Variants in KDM4C observed in about 807,000 individuals in gnomAD.
KDM4C encodes the protein lysine-specific demethylase 4C.
Under a neutral mutation model 129.3 loss-of-function variants are expected in KDM4C, and 81 were observed. The ratio of observed to expected loss-of-function variants is 0.63; its 90% CI spans 0.52 to 0.75. The LOEUF (loss-of-function observed/expected upper bound fraction) is 0.75, where lower values mean the gene tolerates loss of function less well. KDM4C is among the 30% of genes least tolerant of loss of function. The probability of loss-of-function intolerance (pLI) is 0.00; values close to 1 mark genes in which losing one functional copy is unlikely to be tolerated. For missense variants in KDM4C, 1,457 were observed against 1,304.0 expected (o/e 1.12, Z -1.81); for synonymous variants, 573 against 456.1 (o/e 1.26, Z -3.26).
intron 17 of KDM4C, among the ~76,000 whole-genome samples, chr9:7,057,265 A>G (rs1830990138): frequency 6.6e-6 from 1 of 152,262 alleles, no homozygotes. Flanking sequence ...TCCCACAATT[A>G]AGTGAAGTCT....
chr9:7,036,821 T>A (rs1827733697), intron 15 of KDM4C, among the ~76,000 whole-genome samples: 1 of 152,194 alleles, frequency 6.6e-6, no homozygotes, highest in South Asian at 2.1e-4. Context: ...ATTCACTGTG[T>A]TGCTCAGGGT....
intron 19 of KDM4C, among the ~76,000 whole-genome samples, chr9:7,143,089 C>G (rs1474513711): frequency 1.3e-5 from 2 of 152,182 alleles, no homozygotes; most frequent in Non-Finnish European, 2.9e-5. Flanking sequence ...TCCCAGCTTA[C>G]TCTATAAAAG....
intron 2 of KDM4C, among the ~76,000 whole-genome samples, chr9:6,804,982 C>T (rs745628058): frequency 2.0e-5 from 3 of 151,888 alleles, no homozygotes; most frequent in Non-Finnish European, 4.4e-5. Context: ...CTCACTGCAA[C>T]CCCTGCCTCT....
intron 4 of KDM4C, among the ~76,000 whole-genome samples, chr9:6,837,770 A>G (rs1238392872): frequency 6.6e-6 from 1 of 152,128 alleles, no homozygotes; most frequent in Non-Finnish European, 1.5e-5. Context: ...AGTTGTGGCT[A>G]TTCTTTTCAC....
chr9:6,789,650 G>A (rs1826161286), intron 1 of KDM4C, among the ~76,000 whole-genome samples: 2 of 152,142 alleles, frequency 1.3e-5, no homozygotes, highest in South Asian at 4.2e-4. Flanking sequence ...ACAGGTGTGA[G>A]CCACCGTGCC....
At chr9:6,789,208 C>T (rs906418675) in intron 1 of KDM4C, among the ~76,000 whole-genome samples, 1 of 141,948 alleles carries the variant, frequency 7.0e-6, no homozygotes, top group Non-Finnish European at 1.5e-5. Context: ...CTCACCATCA[C>T]GCCTGGCTAA....
At position 7,103,779 on chromosome 9, in the gene KDM4C, G is replaced by A; in HGVS notation, c.2519G>A (p.Cys840Tyr). The A allele has an allele frequency of 4.3e-6, 7 of 1,613,956 alleles. No homozygotes were observed. The highest frequency in any genetic ancestry group is 5.9e-6 in the Non-Finnish European group (7 of 1,179,908). Reference sequence around the variant, plus strand: ...TGCCCGGCCTCCTTCCATGTCACTTGTGCCCATGCTGCTGGGGTACTGATG... The same window carrying A: ...TGCCCGGCCTCCTTCCATGTCACTTATGCCCATGCTGCTGGGGTACTGATG... Reference protein sequence around the residue: ...GRCPASFHVTCAHAAGVLMEP... With the variant: ...GRCPASFHVTYAHAAGVLMEP... The change falls in exon 18 of 22, where the codon TGT (cysteine) becomes TAT (tyrosine). Residue 840 changes from cysteine (C) to tyrosine (Y), a missense_variant. Cys to Tyr is a radical substitution (Grantham distance 194). Coordinates refer to ENST00000381309, the MANE Select transcript of KDM4C (RefSeq NM_015061.6).
chr9:6,972,678 G>A (rs961584682), intron 8 of KDM4C, among the ~76,000 whole-genome samples: 3 of 152,144 alleles, frequency 2.0e-5, no homozygotes, highest in Non-Finnish European at 2.9e-5. Context: ...CTATTCATGA[G>A]TTTCATGTTA....
At chr9:6,893,990 G>T (rs1034152658) in intron 8 of KDM4C, among the ~76,000 whole-genome samples, 2 of 152,170 alleles carry the variant, frequency 1.3e-5, no homozygotes, top group African/African-American at 4.8e-5. Flanking sequence ...AAATAAAACT[G>T]TGTGTTTTAC....
At chr9:6,761,717 T>G (rs1438759633) in intron 1 of KDM4C, among the ~76,000 whole-genome samples, 3 of 152,220 alleles carry the variant, frequency 2.0e-5, no homozygotes, top group Non-Finnish European at 4.4e-5. Context: ...GATAGGTACA[T>G]TCTGTACTTT....
chr9:6,771,189 C>A (rs138545987), intron 1 of KDM4C, among the ~76,000 whole-genome samples: 109 of 150,246 alleles, frequency 7.3e-4, no homozygotes, highest in African/African-American at 1.6e-3. Flanking sequence ...TGGCCTCCCC[C>A]CAAAGTGCTA....
intron 17 of KDM4C, among the ~76,000 whole-genome samples, chr9:7,086,463 G>T (rs565541178): frequency 6.6e-6 from 1 of 152,296 alleles, no homozygotes; most frequent in African/African-American, 2.4e-5. Flanking sequence ...GAAAGGTGAG[G>T]CTTGTGAGAA....
intron 1 of KDM4C, among the ~76,000 whole-genome samples, chr9:6,729,025 G>A (rs1239299583): frequency 6.6e-6 from 1 of 151,524 alleles, no homozygotes; most frequent in Admixed American, 6.6e-5. Context: ...CCAAGATGGT[G>A]AAACCCCACC....
chr9:6,940,026 C>CTTCT lies in KDM4C; in HGVS notation c.922-40896_922-40895insTTTC. Among the ~76,000 whole-genome samples, 4 of 134,264 alleles carry CTTCT rather than the reference C, an allele frequency of 3.0e-5. 1 individual carries two copies. In the Middle Eastern group the frequency reaches 0.011, roughly 370 times the overall value. The allele number at this position is 134,264 out of a possible 152,430, so 88.1% of individuals were successfully genotyped here. A position where few individuals can be genotyped will look rare whatever the true frequency, so the allele number is the denominator to read the frequency against. ...CCTTCCTTCCTTCCTTCCTTCCTTC[C>CTTCT]TTCCTTCTTTCCTTCCTTCCCTCCT... On this transcript the variant is annotated intron_variant, in intron 8 of 21. Coordinates refer to ENST00000381309, the MANE Select transcript of KDM4C (RefSeq NM_015061.6).
At chr9:7,115,030 G>C (rs1185088589) in intron 18 of KDM4C, among the ~76,000 whole-genome samples, 1 of 152,086 alleles carries the variant, frequency 6.6e-6, no homozygotes, top group African/African-American at 2.4e-5. Context: ...AGTGAGCCAA[G>C]ATTGCGCCAC....
chr9:6,940,034 T>TTCCTTCCTTCCTTCC lies in KDM4C; in HGVS notation c.922-40890_922-40889insCCTTCCTTCCTTCCT, dbSNP rs1563850249. ...CCTTCCTTCCTTCCTTCCTTCCTTC[T>TTCCTTCCTTCCTTCC]TTCCTTCCTTCCCTCCTTCCCTCCT... On this transcript the variant is annotated intron_variant, in intron 8 of 21. Transcript: ENST00000381309. Among the ~76,000 whole-genome samples, 11 of 71,030 alleles carry TTCCTTCCTTCCTTCC rather than the reference T, an allele frequency of 1.5e-4. 1 individual carries two copies. The East Asian group carries it at 3.0e-3, about 19-fold the overall frequency. 46.6% of individuals were successfully genotyped at this position (71,030 alleles called of 152,430 possible). A position where few individuals can be genotyped will look rare whatever the true frequency, so the allele number is the denominator to read the frequency against.
chr9:6,721,302 GTC>G (rs375568931), intron 1 of KDM4C: 55 of 114,372 alleles, frequency 4.8e-4, no homozygotes, highest in East Asian at 1.5e-3. Flanking sequence ...TTGAGACAGA[GTC>G]TCTCTCTCTC....
chr9:7,048,474 C>T (rs960102267), intron 16 of KDM4C, among the ~76,000 whole-genome samples: 2 of 151,848 alleles, frequency 1.3e-5, no homozygotes, highest in African/African-American at 2.4e-5. Flanking sequence ...ATAGTATTAA[C>T]GGGAAAGTTG....
At chr9:6,995,248 C>G (rs995905213) in intron 12 of KDM4C, among the ~76,000 whole-genome samples, 1 of 151,468 alleles carries the variant, frequency 6.6e-6, no homozygotes, top group Non-Finnish European at 1.5e-5. Context: ...ACTTAAATTT[C>G]CTGATCTTTG....
Sources: allele counts gnomAD v4.1 joint callset (sites outside exome capture counted in the v4.1 genomes callset), GRCh38; gene constraint gnomAD v4.1.1; transcripts MANE v1.5; gene names NCBI Gene and HGNC (gene_info 2026-07-23, HGNC 2026-07-21).